Variants in TENM3 observed in about 807,000 individuals in gnomAD.
The protein encoded by TENM3 is teneurin-3.
In TENM3, 63 loss-of-function variants were observed where a neutral mutation model predicts 255.1. The observed-to-expected ratio is 0.25, with a 90% CI of 0.20 to 0.30. The LOEUF (loss-of-function observed/expected upper bound fraction) is 0.30. TENM3 is among the 10% of genes least tolerant of loss of function. The pLI, the probability that TENM3 is intolerant of heterozygous loss-of-function variation, is 1.00. For missense variants in TENM3, 2,929 were observed against 3,461.1 expected, an observed-to-expected ratio of 0.85 and a Z score of 3.86; for synonymous variants, 1,306 against 1,322.3, an observed-to-expected ratio of 0.99 and a Z score of 0.27.
the TENM3 span, among the ~76,000 whole-genome samples, chr4:181,999,389 C>T: frequency 1.3e-5 from 2 of 152,124 alleles, no homozygotes; most frequent in Non-Finnish European, 2.9e-5. Flanking sequence ...TAAGGTATTG[C>T]CTGTCCCGAC....
chr4:182,523,261 A>G (rs1738774242), intron 3 of TENM3, among the ~76,000 whole-genome samples: 1 of 152,000 alleles, frequency 6.6e-6, no homozygotes, highest in Non-Finnish European at 1.5e-5. Context: ...TGAGACCTCC[A>G]CTTCCAGTCC....
intron 12 of TENM3, among the ~76,000 whole-genome samples, chr4:182,700,324 T>C (rs1442028489): frequency 6.6e-6 from 1 of 152,232 alleles, no homozygotes; most frequent in South Asian, 2.1e-4. Context: ...GTTGTTATCT[T>C]TTCAATGGCA....
the TENM3 span, among the ~76,000 whole-genome samples, chr4:182,077,282 C>T: frequency 6.6e-6 from 1 of 152,146 alleles, no homozygotes; most frequent in Non-Finnish European, 1.5e-5. Context: ...AAATTATAAG[C>T]TTCTAGAGAA....
intron 3 of TENM3, among the ~76,000 whole-genome samples, chr4:182,591,855 G>A (rs1374112112): frequency 1.3e-5 from 2 of 152,130 alleles, no homozygotes; most frequent in Non-Finnish European, 2.9e-5. Flanking sequence ...GAAAACGAAA[G>A]GAAAAGAAAA....
chr4:182,704,193 C>G (rs1758099003), intron 12 of TENM3, among the ~76,000 whole-genome samples: 1 of 151,978 alleles, frequency 6.6e-6, no homozygotes, highest in Admixed American at 6.6e-5. Context: ...AGATGTGTTA[C>G]TAACACGTGT....
chr4:182,517,717 C>A (rs148202987), intron 3 of TENM3, among the ~76,000 whole-genome samples: 1 of 152,280 alleles, frequency 6.6e-6, no homozygotes, highest in Non-Finnish European at 1.5e-5. Flanking sequence ...AGATAATAGT[C>A]AACATAGTAT....
At chr4:182,449,218 C>T (rs1178165840) in intron 3 of TENM3, 3 of 167,014 alleles carry the variant, frequency 1.8e-5, no homozygotes, top group Non-Finnish European at 3.7e-5. Context: ...GTGGCGGCGG[C>T]GGCGGCGGCG....
At chr4:182,647,173 TAAC>T (rs1055147648) in intron 5 of TENM3, among the ~76,000 whole-genome samples, 3 of 152,222 alleles carry the variant, frequency 2.0e-5, no homozygotes, top group East Asian at 1.9e-4. Flanking sequence ...TTCTTCATCT[TAAC>T]AACAACGATT....
chr4:182,551,884 G>T (rs1242075845), intron 3 of TENM3, among the ~76,000 whole-genome samples: 1 of 152,020 alleles, frequency 6.6e-6, no homozygotes, highest in Non-Finnish European at 1.5e-5. Context: ...AGGCGTGGTA[G>T]TGCATGCCTG....
At chr4:182,720,273 G>A (rs1759607962) in intron 13 of TENM3, among the ~76,000 whole-genome samples, 1 of 151,040 alleles carries the variant, frequency 6.6e-6, no homozygotes, top group East Asian at 1.9e-4. Flanking sequence ...GCAAGAAGGT[G>A]GGACTATTAT....
At chr4:182,542,001 C>T (rs557015926) in intron 3 of TENM3, among the ~76,000 whole-genome samples, 3 of 152,060 alleles carry the variant, frequency 2.0e-5, no homozygotes, top group Non-Finnish European at 4.4e-5. Context: ...AGTTTGAGGC[C>T]TCAGTGAGCT....
At chr4:182,755,975 T>G (rs1762722976) in intron 22 of TENM3, among the ~76,000 whole-genome samples, 1 of 152,120 alleles carries the variant, frequency 6.6e-6, no homozygotes, top group African/African-American at 2.4e-5. Flanking sequence ...CATGGTAAAT[T>G]TACCTGTACT....
intron 3 of TENM3, among the ~76,000 whole-genome samples, chr4:182,587,120 T>G (rs1350519579): frequency 6.6e-6 from 1 of 152,132 alleles, no homozygotes; most frequent in Non-Finnish European, 1.5e-5. Flanking sequence ...AGACACAGTC[T>G]CACTCTGTTG....
chr4:182,454,765 G>A (rs1184424555), intron 3 of TENM3, among the ~76,000 whole-genome samples: 2 of 152,046 alleles, frequency 1.3e-5, no homozygotes, highest in Non-Finnish European at 2.9e-5. Context: ...CAATAAAATG[G>A]CATTCTTGCT....
chr4:182,465,974 A>G (rs555049654), intron 3 of TENM3, among the ~76,000 whole-genome samples: 5 of 152,308 alleles, frequency 3.3e-5, no homozygotes, highest in Admixed American at 3.3e-4. Context: ...GCTTGACTAA[A>G]CATAGATAAA....
the TENM3 span, among the ~76,000 whole-genome samples, chr4:181,823,475 C>G: frequency 1.3e-5 from 2 of 152,152 alleles, no homozygotes; most frequent in African/African-American, 2.4e-5. Context: ...AACTTCAAAA[C>G]TATTCTATCA....
chr4:181,740,483 C>G, the TENM3 span, among the ~76,000 whole-genome samples: 1,383 of 151,872 alleles, frequency 9.1e-3, 16 homozygotes, highest in Non-Finnish European at 0.015. Context: ...GAATGGAGAC[C>G]ACAAAGAGCT....
chr4:182,746,851 C>A (rs890572927), intron 19 of TENM3, among the ~76,000 whole-genome samples: 10 of 152,066 alleles, frequency 6.6e-5, no homozygotes, highest in Non-Finnish European at 4.4e-5. Flanking sequence ...GTCTTTGAGC[C>A]CAAATCATCA....
In TENM3 at chr4:182,716,067, T is replaced by C. The variant is rs147012361; in HGVS notation, c.2368+1834T>C. Among the ~76,000 whole-genome samples, 631 of 152,312 alleles carry C rather than the reference T, an allele frequency of 4.1e-3. 3 individuals carry two copies. Among genetic ancestry groups the C allele is most frequent in the African/African-American group, 0.014 (602 of 41,572 alleles). ...GTGTGCTTTATAGACATGGCAGCAT[T>C]AATCCTCTCAAAACCACAGTACAGA... On this transcript the variant is annotated intron_variant, in intron 13 of 27. Transcript: ENST00000511685.
Sources: gnomAD v4.1 joint callset for allele counts (sites outside exome capture counted in the v4.1 genomes callset) on GRCh38, gnomAD v4.1.1 for gene constraint, MANE v1.5 for transcripts, NCBI Gene and HGNC (gene_info 2026-07-23, HGNC 2026-07-21) for gene names.